The following CNST variants were observed in gnomAD, a reference collection of about 807,000 sequenced individuals.
The protein encoded by CNST is consortin.
Under a neutral mutation model 72.4 loss-of-function variants are expected in CNST, and 39 were observed. The observed-to-expected ratio is 0.54, with a 90% CI of 0.42 to 0.70. The LOEUF is 0.70. CNST is among the 30% of genes least tolerant of loss of function. The pLI is 0.00. For missense variants in CNST, 871 were observed against 868.5 expected, an observed-to-expected ratio of 1.00 and a Z score of -0.04; for synonymous variants, 332 against 320.1, an observed-to-expected ratio of 1.04 and a Z score of -0.40.
At chr1:246,648,159 T>A in intron 9 of CNST, 122 bp downstream of exon 9, 2 of 1,443,586 alleles carry the variant, frequency 1.4e-6, no homozygotes, top group Non-Finnish European at 1.8e-6. Flanking sequence ...AAATTCTAGT[T>A]AACGTAAGCT....
At chr1:246,603,326 T>G (rs959306187) in intron 2 of CNST, among the ~76,000 whole-genome samples, 8 of 146,614 alleles carry the variant, frequency 5.5e-5, no homozygotes, top group African/African-American at 2.0e-4. Flanking sequence ...AGTCAAACTT[T>G]CCAATATTTA....
At chr1:246,586,249 ATATT>A (rs998841457) in intron 1 of CNST, among the ~76,000 whole-genome samples, 4 of 147,490 alleles carry the variant, frequency 2.7e-5, no homozygotes, top group Non-Finnish European at 3.0e-5. Flanking sequence ...TATCTGATAT[ATATT>A]ATATATAAAG....
rs527412091 is a variant in CNST at position 246,589,087 on chromosome 1, C to A, written c.-51-2425C>A. Among the ~76,000 whole-genome samples the A allele has an allele frequency of 4.6e-5, 7 of 151,900 alleles. No individual in the cohort carries two copies. The East Asian group carries it at 1.4e-3, about 29-fold the overall frequency. ...CAGTTGAAGATGTCAGCTAAGAAAC[C>A]CTGAATCATTATTATTATTGTTTTA... On this transcript the variant is annotated intron_variant, in intron 1 of 10. Coordinates refer to ENST00000366513, the MANE Select transcript of CNST (RefSeq NM_152609.3).
At chr1:246,628,259 C>T (rs1664569236) in intron 3 of CNST, among the ~76,000 whole-genome samples, 1 of 152,130 alleles carries the variant, frequency 6.6e-6, no homozygotes, top group Non-Finnish European at 1.5e-5. Flanking sequence ...CACCCAGGAT[C>T]AATACTTTGT....
chr1:246,574,183 A>G (rs1192813456), intron 1 of CNST, among the ~76,000 whole-genome samples: 2 of 152,114 alleles, frequency 1.3e-5, no homozygotes, highest in Non-Finnish European at 2.9e-5. Context: ...CTGGGACTAC[A>G]GGCACCCGCC....
At chr1:246,628,479 T>C (rs1358784288) in intron 3 of CNST, among the ~76,000 whole-genome samples, 1 of 152,242 alleles carries the variant, frequency 6.6e-6, no homozygotes, top group African/African-American at 2.4e-5. Flanking sequence ...CGACAACATA[T>C]ACTTGTATTT....
At chr1:246,618,923 T>C (rs1476006057) in intron 2 of CNST, among the ~76,000 whole-genome samples, 1 of 152,178 alleles carries the variant, frequency 6.6e-6, no homozygotes, top group Non-Finnish European at 1.5e-5. Context: ...TCCTTAACTT[T>C]GAAAGTCCAT....
chr1:246,647,139 A>T lies in CNST; in HGVS notation c.938A>T (p.Glu313Val). 1.9e-6 allele frequency: 3 copies of T among 1,602,502 alleles called. No individual in the cohort carries two copies. The highest frequency in any genetic ancestry group is 2.6e-6 in the Non-Finnish European group (3 of 1,175,450). ...KEGGATTKES[E>V]SKTCLGTESS... is the part of the protein sequence containing the mutation. ...ACAATTTATTTTTCTTCATCTTTAG[A>T]GAGTAAAACTTGTCTCGGCACAGAG... is the stretch of plus-strand genomic sequence containing the variant. Residue 313 changes from glutamate to valine, a missense_variant and splice_region_variant, in exon 9 of 11, where the codon GAG becomes GTG. Coordinates refer to ENST00000366513, the MANE Select transcript of CNST (RefSeq NM_152609.3).
chr1:246,582,044 A>G (rs201323527), intron 1 of CNST, among the ~76,000 whole-genome samples: 3 of 152,212 alleles, frequency 2.0e-5, no homozygotes, highest in Admixed American at 2.0e-4. Flanking sequence ...ACTTTCATAT[A>G]AGTCAAGTAC....
rs540225803 is a variant in CNST, at chr1:246,580,829, C to T, written c.-51-10683C>T. 8.5e-5 allele frequency among the ~76,000 whole-genome samples: 13 copies of T among 152,124 alleles called. No individual in the cohort carries two copies. The South Asian group carries it at 1.0e-3, about 12-fold the overall frequency. On this transcript the variant is annotated intron_variant, in intron 1 of 10. Transcript: ENST00000366513. ...GATCTTAGCTCACTGCAACCTCTGC[C>T]CCCAGGGTTCAAGCGATTGCCCCGC...
At chr1:246,605,062 T>C (rs1662620985) in intron 2 of CNST, among the ~76,000 whole-genome samples, 1 of 152,224 alleles carries the variant, frequency 6.6e-6, no homozygotes, top group African/African-American at 2.4e-5. Flanking sequence ...CATATACTTG[T>C]AAGAAAATCA....
At chr1:246,610,723 T>G (rs1439598334) in intron 2 of CNST, among the ~76,000 whole-genome samples, 3 of 152,152 alleles carry the variant, frequency 2.0e-5, no homozygotes, top group African/African-American at 4.8e-5. Context: ...CATCTATAAT[T>G]CTGCCCCAGC....
intron 6 of CNST, 30 bp from the exon 7 acceptor site, chr1:246,641,719 A>C (rs1665699973): frequency 8.0e-7 from 1 of 1,243,764 alleles, no homozygotes; most frequent in Non-Finnish European, 1.2e-6. Flanking sequence ...AATTTTTTTA[A>C]AATTCTTTTT....
intron 10 of CNST, among the ~76,000 whole-genome samples, chr1:246,661,552 T>C (rs1667105522): frequency 6.6e-6 from 1 of 152,250 alleles, no homozygotes. Flanking sequence ...CCATTGCTGC[T>C]GTTTGACTTC....
chr1:246,655,241 T>C (rs1014241418), intron 9 of CNST, among the ~76,000 whole-genome samples: 2 of 152,220 alleles, frequency 1.3e-5, no homozygotes, highest in Admixed American at 1.3e-4. Flanking sequence ...TTTTTCCTTT[T>C]TAAGTGAATC....
intron 1 of CNST, among the ~76,000 whole-genome samples, chr1:246,587,097 T>C (rs184039080): frequency 5.9e-5 from 9 of 152,334 alleles, no homozygotes; most frequent in Admixed American, 2.0e-4. Context: ...ATTATATATA[T>C]GTAATAAACT....
chr1:246,665,810 C>T lies in CNST; in HGVS notation c.2083C>T (p.Pro695Ser), dbSNP rs1667367052. 1.2e-6 allele frequency: 2 copies of T among 1,613,980 alleles called. No homozygotes were observed. The change falls in exon 11 of 11, where the codon CCT becomes TCT. Residue 695 changes from proline (P) to serine (S), a missense_variant. By Grantham distance (74) the Pro-to-Ser change is moderately conservative. Transcript: ENST00000366513. ...CTGCACTTTCGGTGACATGGAGTCA[C>T]CTGTTTGTACTGACTTTGCAGACAA... ...LYCTFGDMES[P>S]VCTDFADNMD...
intron 2 of CNST, among the ~76,000 whole-genome samples, chr1:246,614,338 G>T (rs1476480918): frequency 6.6e-6 from 1 of 152,092 alleles, no homozygotes; most frequent in Non-Finnish European, 1.5e-5. Flanking sequence ...TTTTCTCCCT[G>T]TGGCATCTTG....
At chr1:246,566,788 G>C (rs3120714) in intron 1 of CNST, 125 bp downstream of exon 1, 382,680 of 397,984 alleles carry the variant, frequency 0.96, 184,636 homozygotes, top group South Asian at 0.99. Context: ...TCTGCCCTCC[G>C]GGTGAGGTGT....
Sources: gnomAD v4.1 joint callset for allele counts (sites outside exome capture counted in the v4.1 genomes callset) on GRCh38, gnomAD v4.1.1 for gene constraint, MANE v1.5 for transcripts, NCBI Gene and HGNC (gene_info 2026-07-23, HGNC 2026-07-21) for gene names.